Variants in MSH3 observed in about 807,000 individuals in gnomAD.
MSH3 encodes the protein DNA mismatch repair protein Msh3.
A neutral mutation model predicts 123.3 loss-of-function variants in MSH3; 106 were observed. That is an observed-to-expected ratio of 0.86 (90% CI 0.73 to 1.01). MSH3 has a LOEUF of 1.01. Among genes scored for constraint, MSH3 ranks in the 50% least tolerant of loss-of-function variants. The pLI is 0.00. For synonymous variants in MSH3, 515 were observed against 481.4 expected (o/e 1.07, Z -0.91); for missense variants, 1,459 against 1,347.6 (o/e 1.08, Z -1.29).
At chr5:80,812,956 A>G (rs1745035105) in intron 19 of MSH3, among the ~76,000 whole-genome samples, 1 of 152,204 alleles carries the variant, frequency 6.6e-6, no homozygotes, top group Non-Finnish European at 1.5e-5. Flanking sequence ...CAAGGGCTGT[A>G]GTTGGACAGT....
chr5:80,655,025 A>T (rs943394665), intron 1 of MSH3, 61 bp downstream of exon 1: 37 of 964,226 alleles, frequency 3.8e-5, no homozygotes, highest in Middle Eastern at 3.4e-4. Context: ...CTTGTGGGTA[A>T]GGCGGGCGGA....
intron 17 of MSH3, among the ~76,000 whole-genome samples, chr5:80,782,342 A>G (rs1580048201): frequency 9.7e-6 from 1 of 103,494 alleles, no homozygotes; most frequent in Non-Finnish European, 2.0e-5. Context: ...TCTATACTGA[A>G]CACATACAGG....
At chr5:80,676,117 G>C (rs1749834439) in intron 7 of MSH3, among the ~76,000 whole-genome samples, 1 of 152,124 alleles carries the variant, frequency 6.6e-6, no homozygotes, top group Non-Finnish European at 1.5e-5. Context: ...TGCAACCTCT[G>C]CCTCCTAGGT....
chr5:80,751,620 G>A (rs889784044), intron 12 of MSH3, among the ~76,000 whole-genome samples: 8 of 152,134 alleles, frequency 5.3e-5, no homozygotes, highest in Admixed American at 5.2e-4. Flanking sequence ...TGGTTACATG[G>A]TATGCTTGCT....
chr5:80,848,708 C>T (rs570129397), intron 20 of MSH3, among the ~76,000 whole-genome samples: 4 of 152,292 alleles, frequency 2.6e-5, no homozygotes, highest in African/African-American at 9.6e-5. Flanking sequence ...AAGACATGCC[C>T]CCATAATCCA....
chr5:80,720,718 T>C (rs919614287), intron 8 of MSH3, among the ~76,000 whole-genome samples: 3 of 152,202 alleles, frequency 2.0e-5, no homozygotes, highest in Admixed American at 1.3e-4. Context: ...GTTTTTTCTT[T>C]TTTTTTCTTA....
At chr5:80,757,036 C>T (rs536422880) in intron 12 of MSH3, among the ~76,000 whole-genome samples, 50 of 152,054 alleles carry the variant, frequency 3.3e-4, no homozygotes, top group African/African-American at 1.2e-3. Flanking sequence ...AAAAATACAC[C>T]CCTAGCAGTT....
At chr5:80,722,757 C>A (rs1323679846) in intron 8 of MSH3, among the ~76,000 whole-genome samples, 1 of 152,136 alleles carries the variant, frequency 6.6e-6, no homozygotes, top group Admixed American at 6.5e-5. Context: ...TAATGTGATA[C>A]CTCTATTTAA....
At chr5:80,721,192 A>T (rs1309346858) in intron 8 of MSH3, among the ~76,000 whole-genome samples, 2 of 152,192 alleles carry the variant, frequency 1.3e-5, no homozygotes, top group South Asian at 2.1e-4. Flanking sequence ...ATATTGTCAA[A>T]GTATTTGAAA....
At chr5:80,747,531 T>C (rs1223994573) in intron 12 of MSH3, among the ~76,000 whole-genome samples, 1 of 152,240 alleles carries the variant, frequency 6.6e-6, no homozygotes, top group Non-Finnish European at 1.5e-5. Context: ...TAAACTTTTA[T>C]ACTCCTAATC....
chr5:80,794,711 G>A (rs181178272), intron 19 of MSH3, among the ~76,000 whole-genome samples: 2 of 152,284 alleles, frequency 1.3e-5, no homozygotes, highest in African/African-American at 2.4e-5. Context: ...GGAAAAAGTT[G>A]TCCATGTGAA....
In MSH3 at chr5:80,678,701, C is replaced by G. The variant is rs551302310; in HGVS notation, c.1174-226C>G. On this transcript the variant is annotated intron_variant, in intron 7 of 23. Transcript: ENST00000265081. ...GTATATTAACTCCAGGCCTTGTATT[C>G]AGGGCGGCTCTCGGAAATCTGATTT... Among the ~76,000 whole-genome samples, 5 of 152,216 alleles carry G rather than the reference C, an allele frequency of 3.3e-5. No individual in the cohort carries two copies. The South Asian group carries it at 1.0e-3, about 32-fold the overall frequency.
In MSH3 at chr5:80,778,790, G is replaced by T. The variant is rs748016039; in HGVS notation, c.2389G>T (p.Glu797Ter). The part of the protein sequence containing the change: ...ENYRHLNQLR[E>*]QLVLDCSAEW... ...TTACAGACATCTGAATCAGCTCCGG[G>T]AGCAGCTAGTCCTTGACTGCAGTGC... Residue 797 changes from glutamate to a stop codon, truncating the protein, a stop_gained, in exon 17 of 24, where the codon GAG (glutamate) becomes TAG (stop). Transcript: ENST00000265081. LOFTEE classifies it high-confidence loss of function. The T allele has an allele frequency of 6.2e-7, 1 of 1,612,380 alleles. No homozygotes were observed. Among genetic ancestry groups the T allele is most frequent in the Non-Finnish European group, 8.5e-7 (1 of 1,178,538 alleles).
chr5:80,697,430 A>T (rs1750507453), intron 8 of MSH3, among the ~76,000 whole-genome samples: 1 of 152,278 alleles, frequency 6.6e-6, no homozygotes, highest in Admixed American at 6.5e-5. Context: ...AAAAACATAT[A>T]ATCAGTGAAT....
At position 80,698,791 on chromosome 5, in the gene MSH3, G is replaced by A. The variant is rs999018670; in HGVS notation, c.1340+19698G>A. 4.6e-5 allele frequency among the ~76,000 whole-genome samples: 7 copies of A among 151,232 alleles called. No homozygotes were observed. The East Asian group carries it at 5.8e-4, about 13-fold the overall frequency. ...CACAGGAAGGGGAACCTCACACACC[G>A]GGGGGCCTGTTGTGGGGTGGTGGGG... On this transcript the variant is annotated intron_variant, in intron 8 of 23. Coordinates refer to ENST00000265081, the MANE Select transcript of MSH3 (RefSeq NM_002439.5).
At chr5:80,735,808 A>G (rs1409610214) in intron 10 of MSH3, among the ~76,000 whole-genome samples, 1 of 152,230 alleles carries the variant, frequency 6.6e-6, no homozygotes, top group Admixed American at 6.5e-5. Flanking sequence ...AAAAATTAGC[A>G]ATGGGAAAAG....
At chr5:80,809,288 A>G (rs900132205) in intron 19 of MSH3, among the ~76,000 whole-genome samples, 1 of 152,204 alleles carries the variant, frequency 6.6e-6, no homozygotes, top group Non-Finnish European at 1.5e-5. Flanking sequence ...TCAGTCTTCT[A>G]ACTCTAAATG....
intron 8 of MSH3, among the ~76,000 whole-genome samples, chr5:80,687,167 T>G (rs1580561589): frequency 6.6e-6 from 1 of 152,224 alleles, no homozygotes; most frequent in East Asian, 1.9e-4. Context: ...TTTATTTTTA[T>G]TTATGTAAAG....
At chr5:80,868,681 C>T (rs1005738098) in intron 22 of MSH3, among the ~76,000 whole-genome samples, 1 of 148,052 alleles carries the variant, frequency 6.8e-6, no homozygotes, top group African/African-American at 2.5e-5. Flanking sequence ...GGCTTAATAC[C>T]TGGGCGATTA....
Sources: allele counts gnomAD v4.1 joint callset (sites outside exome capture counted in the v4.1 genomes callset), GRCh38; gene constraint gnomAD v4.1.1; transcripts MANE v1.5; gene names NCBI Gene and HGNC (gene_info 2026-07-23, HGNC 2026-07-21).